MIR2052HG: variants seen among roughly 807,000 people sequenced by gnomAD.
MIR2052HG encodes MIR2052 host gene.
At chr8:74,716,179 G>T (rs567858569) in intron 4 of MIR2052HG, among the ~76,000 whole-genome samples, 15 of 152,128 alleles carry the variant, frequency 9.9e-5, no homozygotes, top group African/African-American at 3.6e-4. Flanking sequence ...GAGGAAGCTG[G>T]TGTAGTCTCC....
intron 2 of MIR2052HG, among the ~76,000 whole-genome samples, chr8:74,690,472 C>T (rs756265969): frequency 4.0e-5 from 6 of 151,592 alleles, no homozygotes; most frequent in Non-Finnish European, 8.8e-5. Context: ...GGTGAAACCC[C>T]GTCTCTACTA....
intron 2 of MIR2052HG, among the ~76,000 whole-genome samples, chr8:74,674,267 C>A (rs780470321): frequency 2.6e-5 from 4 of 151,434 alleles, no homozygotes; most frequent in Non-Finnish European, 5.9e-5. Flanking sequence ...ATTAATTACA[C>A]CTCTCATGGT....
rs34347449 is a variant in MIR2052HG at position 74,752,281 on chromosome 8, C to CAA, written n.372-140_372-139dup. 2.9e-3 allele frequency among the ~76,000 whole-genome samples: 230 copies of CAA among 79,336 alleles called. 2 individuals carry two copies. The highest frequency in any genetic ancestry group is 0.011 in the African/African-American group (207 of 18,928). 52.0% of individuals were successfully genotyped at this position (79,336 alleles called of 152,430 possible). On this transcript the variant is annotated intron_variant and non_coding_transcript_variant, in intron 4 of 6. Coordinates refer to ENST00000523442, the Ensembl canonical transcript of MIR2052HG. ...TGGGTGACAGAGTGAGATCCTGTCT[C>CAA]AAAAAAAAAAAAAAAAAAAAAGTAT...
chr8:74,739,989 A>G (rs1229431248), intron 4 of MIR2052HG, among the ~76,000 whole-genome samples: 1 of 152,218 alleles, frequency 6.6e-6, no homozygotes, highest in East Asian at 1.9e-4. Context: ...TTATGCATCC[A>G]TGTATTATTT....
chr8:74,603,146 A>C, intron 1 of MIR2052HG: 2 of 684,628 alleles, frequency 2.9e-6, no homozygotes, highest in East Asian at 5.4e-5. Context: ...GTAAAAAATC[A>C]CGAGTGGATG....
At chr8:74,714,959 C>G (rs896768129) in intron 4 of MIR2052HG, among the ~76,000 whole-genome samples, 1 of 152,170 alleles carries the variant, frequency 6.6e-6, no homozygotes. Context: ...GGATTACAGG[C>G]GTGAGCCACA....
chr8:74,757,582 T>C (rs1489298996), intron 5 of MIR2052HG: 1 of 152,240 alleles, frequency 6.6e-6, no homozygotes, highest in Admixed American at 6.5e-5. Flanking sequence ...TTTTTACAAA[T>C]GGGGAACTGA....
chr8:74,694,152 CTGAGAGACA>C (rs1809271362), intron 2 of MIR2052HG, among the ~76,000 whole-genome samples: 1 of 152,174 alleles, frequency 6.6e-6, no homozygotes, highest in Non-Finnish European at 1.5e-5. Context: ...GTATCCATGG[CTGAGAGACA>C]TGAAGACAGA....
chr8:74,703,646 A>G, exon 4 of MIR2052HG: 1 of 452,996 alleles, frequency 2.2e-6, no homozygotes, highest in Non-Finnish European at 4.4e-6. Context: ...GAAAATTAGG[A>G]GGAATGTTCT....
chr8:74,638,762 T>A lies in MIR2052HG; in HGVS notation n.216+25822T>A, dbSNP rs554002695. On this transcript the variant is annotated intron_variant and non_coding_transcript_variant, in intron 2 of 6. Transcript: ENST00000523442. ...GTCTCTTGGAATACCTAAATAAAGA[T>A]GTAGAGTGGGAGTGAGGGATATATG... Among the ~76,000 whole-genome samples, 16 of 152,200 alleles carry A rather than the reference T, an allele frequency of 1.1e-4. No homozygotes were observed. The South Asian group carries it at 3.3e-3, about 32-fold the overall frequency.
At chr8:74,651,366 A>G (rs796983620) in intron 2 of MIR2052HG, among the ~76,000 whole-genome samples, 1 of 152,112 alleles carries the variant, frequency 6.6e-6, no homozygotes, top group African/African-American at 2.4e-5. Context: ...TTGACAGGTA[A>G]TGGTTAGAAG....
At chr8:74,646,274 A>T (rs985450989) in intron 2 of MIR2052HG, among the ~76,000 whole-genome samples, 1 of 152,234 alleles carries the variant, frequency 6.6e-6, no homozygotes, top group African/African-American at 2.4e-5. Flanking sequence ...TCAAGTCTTT[A>T]TAAGAGTTCT....
chr8:74,688,694 C>A (rs547435923), intron 2 of MIR2052HG, among the ~76,000 whole-genome samples: 1 of 151,922 alleles, frequency 6.6e-6, no homozygotes, highest in Admixed American at 6.6e-5. Context: ...TTTTGGGGAA[C>A]AGGTGGTATT....
intron 2 of MIR2052HG, among the ~76,000 whole-genome samples, chr8:74,655,851 A>C (rs938082994): frequency 6.6e-6 from 1 of 152,196 alleles, no homozygotes; most frequent in Non-Finnish European, 1.5e-5. Flanking sequence ...TGGAAAAGCC[A>C]CAGACACTCA....
rs140963212 is a variant in MIR2052HG, at chr8:74,679,748, G to A, written n.217-22631G>A. 2.4e-3 allele frequency among the ~76,000 whole-genome samples: 360 copies of A among 151,736 alleles called. 1 individual carries two copies. Among genetic ancestry groups the A allele is most frequent in the African/African-American group, 8.0e-3 (331 of 41,348 alleles). ...GTAGAGATGGGGTTTCACCATGTTCGCCAGGCTGGTTTTGAACTCCTGACC... is the reference window on the plus strand; with the variant it reads ...GTAGAGATGGGGTTTCACCATGTTCACCAGGCTGGTTTTGAACTCCTGACC... On this transcript the variant is annotated intron_variant and non_coding_transcript_variant, in intron 2 of 6. Coordinates refer to ENST00000523442, the Ensembl canonical transcript of MIR2052HG.
At chr8:74,722,473 A>G (rs1028773940) in intron 4 of MIR2052HG, among the ~76,000 whole-genome samples, 6 of 152,230 alleles carry the variant, frequency 3.9e-5, no homozygotes, top group African/African-American at 1.4e-4. Flanking sequence ...TTGGCAGAAT[A>G]TATCACTGAC....
At chr8:74,690,858 A>G (rs1809232743) in intron 2 of MIR2052HG, among the ~76,000 whole-genome samples, 2 of 151,962 alleles carry the variant, frequency 1.3e-5, no homozygotes, top group Admixed American at 6.6e-5. Flanking sequence ...GTAAGAGACA[A>G]CCAGAAAGAG....
intron 2 of MIR2052HG, among the ~76,000 whole-genome samples, chr8:74,638,300 G>C (rs1808604085): frequency 6.6e-6 from 1 of 152,058 alleles, no homozygotes. Context: ...AGAGAAATGA[G>C]AGCTAGAAGG....
chr8:74,612,163 A>G (rs982781753), intron 1 of MIR2052HG, among the ~76,000 whole-genome samples: 1 of 152,252 alleles, frequency 6.6e-6, no homozygotes, highest in Non-Finnish European at 1.5e-5. Flanking sequence ...CAACTGGAAC[A>G]GAGCCTGGAC....
Sources: gnomAD v4.1 joint callset for allele counts (sites outside exome capture counted in the v4.1 genomes callset) on GRCh38, gnomAD v4.1.1 for gene constraint, MANE v1.5 for transcripts, NCBI Gene and HGNC (gene_info 2026-07-23, HGNC 2026-07-21) for gene names.